Variants in WRN observed in about 807,000 individuals in gnomAD.
WRN encodes the protein WRN RecQ like helicase, also known as bifunctional 3'-5' exonuclease/ATP-dependent helicase WRN.
A neutral mutation model predicts 180.7 loss-of-function variants in WRN; 149 were observed. The observed-to-expected ratio is 0.82, with a 90% CI of 0.72 to 0.94. The LOEUF (loss-of-function observed/expected upper bound fraction) is 0.94. WRN is among the 40% of genes least tolerant of loss of function. The pLI, the probability that WRN is intolerant of heterozygous loss-of-function variation, is 0.00. For synonymous variants in WRN, 548 were observed against 568.9 expected, an observed-to-expected ratio of 0.96 and a Z score of 0.52; for missense variants, 1,661 against 1,700.1, an observed-to-expected ratio of 0.98 and a Z score of 0.40.
intron 23 of WRN, among the ~76,000 whole-genome samples, chr8:31,128,133 C>T (rs989848424): frequency 1.3e-5 from 2 of 151,292 alleles, no homozygotes; most frequent in Non-Finnish European, 2.9e-5. Context: ...AGCACAAAGC[C>T]GACAGAAGAG....
At chr8:31,079,004 G>A (rs1813201365) in intron 8 of WRN, among the ~76,000 whole-genome samples, 1 of 152,128 alleles carries the variant, frequency 6.6e-6, no homozygotes. Flanking sequence ...CAGTTAAACT[G>A]TATCACATAT....
At chr8:31,143,452 GAA>G (rs1802738796) in intron 27 of WRN, 96 bp from the exon 28 acceptor site, 1 of 817,416 alleles carries the variant, frequency 1.2e-6, no homozygotes, top group Non-Finnish European at 2.0e-6. Context: ...ATTAGGCAAA[GAA>G]AAAATTGTGA....
At position 31,124,505 on chromosome 8, in the gene WRN, A is replaced by C. The variant is rs3087433; in HGVS notation, c.2631-17A>C. The C allele has an allele frequency of 1.8e-3, 2,870 of 1,577,782 alleles. 50 individuals carry two copies. In the African/African-American group the frequency reaches 0.034, roughly 19 times the overall value. On this transcript the variant is annotated splice_polypyrimidine_tract_variant and intron_variant, in intron 21 of 34. Coordinates refer to ENST00000298139, the MANE Select transcript of WRN (RefSeq NM_000553.6). ...CAATACAGTTTTACATATTCCTGTGATGTTTTTAATCGACAGGCACCTTCT... is the reference window on the plus strand; with the variant it reads ...CAATACAGTTTTACATATTCCTGTGCTGTTTTTAATCGACAGGCACCTTCT...
intron 25 of WRN, 27 bp from the exon 26 acceptor site, chr8:31,141,654 T>C (rs1487882397): frequency 1.2e-6 from 2 of 1,614,162 alleles, no homozygotes; most frequent in East Asian, 2.2e-5. Flanking sequence ...CCACTCCACA[T>C]TAAAAGATCC....
rs1369264888 is a variant in WRN at position 31,033,824 on chromosome 8, C to T, written c.-226C>T. ...CCGGAGCTGATGTGTACTGTGTGCG[C>T]CGGGGAGGCGCCGGCTTGTACTCGG... is the stretch of plus-strand genomic sequence containing the variant. On this transcript the variant is annotated 5_prime_UTR_variant, in exon 1 of 35. Transcript: ENST00000298139. 6.6e-6 allele frequency: 1 copy of T among 152,216 alleles called. No homozygotes were observed. The highest frequency in any genetic ancestry group is 1.9e-4 in the East Asian group (1 of 5,160). 9.4% of individuals were successfully genotyped at this position (152,216 alleles called of 1,614,324 possible). A position where few individuals can be genotyped will look rare whatever the true frequency, so the allele number is the denominator to read the frequency against.
At chr8:31,113,205 CAAAA>C (rs11420804) in intron 19 of WRN, among the ~76,000 whole-genome samples, 1 of 112,320 alleles carries the variant, frequency 8.9e-6, no homozygotes, top group Non-Finnish European at 1.8e-5. Flanking sequence ...GGCCCCGTTT[CAAAA>C]AAAAAAAAAA....
At chr8:31,054,758 G>C (rs1485015238) in intron 1 of WRN, among the ~76,000 whole-genome samples, 1 of 152,104 alleles carries the variant, frequency 6.6e-6, no homozygotes, top group African/African-American at 2.4e-5. Context: ...TTTATTTTAA[G>C]TTCCAGGATA....
At chr8:31,117,016 C>G (rs533943496) in intron 20 of WRN, among the ~76,000 whole-genome samples, 1 of 152,056 alleles carries the variant, frequency 6.6e-6, no homozygotes, top group Non-Finnish European at 1.5e-5. Flanking sequence ...AGGGTGGAAC[C>G]GTTAGAGACT....
At chr8:31,143,791 G>C (rs552605537) in intron 28 of WRN, among the ~76,000 whole-genome samples, 168 bp downstream of exon 28, 20 of 152,120 alleles carry the variant, frequency 1.3e-4, no homozygotes, top group Middle Eastern at 3.4e-3. Flanking sequence ...AAAGAATAAT[G>C]TTAATTTAAT....
chr8:31,091,279 TA>T (rs573456748), intron 15 of WRN, among the ~76,000 whole-genome samples: 53 of 152,288 alleles, frequency 3.5e-4, no homozygotes, highest in Non-Finnish European at 7.2e-4. Flanking sequence ...GTATATTTTT[TA>T]TCTATGAAAC....
chr8:31,088,568 T>C (rs1388850679), intron 12 of WRN, among the ~76,000 whole-genome samples: 1 of 152,168 alleles, frequency 6.6e-6, no homozygotes, highest in Non-Finnish European at 1.5e-5. Flanking sequence ...GGTTATATTA[T>C]AACATTTGGA....
intron 19 of WRN, among the ~76,000 whole-genome samples, chr8:31,113,993 ATT>A (rs35893391): frequency 5.3e-5 from 8 of 150,480 alleles, no homozygotes; most frequent in African/African-American, 1.7e-4. Flanking sequence ...TTTAATATGA[ATT>A]TTTTTTTTTA....
intron 3 of WRN, among the ~76,000 whole-genome samples, chr8:31,059,900 C>CA (rs1032672669): frequency 4.1e-4 from 63 of 151,830 alleles, no homozygotes; most frequent in African/African-American, 1.5e-3. Flanking sequence ...ACTAAAAATA[C>CA]AAAAAATTAG....
At chr8:31,147,666 T>G (rs893247732) in intron 30 of WRN, among the ~76,000 whole-genome samples, 190 bp downstream of exon 30, 22 of 152,310 alleles carry the variant, frequency 1.4e-4, no homozygotes, top group African/African-American at 5.1e-4. Context: ...AAAAACCAGT[T>G]ACGTTTTCAG....
chr8:31,053,115 C>T (rs1352824130), intron 1 of WRN, among the ~76,000 whole-genome samples: 4 of 152,158 alleles, frequency 2.6e-5, no homozygotes, highest in African/African-American at 9.7e-5. Context: ...AGTTTGAAGA[C>T]CATATAGAAT....
intron 19 of WRN, among the ~76,000 whole-genome samples, chr8:31,112,113 C>A (rs535467602): frequency 9.2e-5 from 14 of 152,166 alleles, no homozygotes; most frequent in African/African-American, 3.1e-4. Context: ...GTCTCTCTGT[C>A]GTCCAGGCTG....
intron 34 of WRN, among the ~76,000 whole-genome samples, chr8:31,169,608 C>T (rs1043442129): frequency 1.3e-5 from 2 of 152,156 alleles, no homozygotes; most frequent in African/African-American, 4.8e-5. Flanking sequence ...TGCTCATTTT[C>T]GTATGAGATT....
At position 31,082,532 on chromosome 8, in the gene WRN, A is replaced by G. The variant is rs543470090; in HGVS notation, c.1270-1167A>G. On this transcript the variant is annotated intron_variant, in intron 9 of 34. Coordinates refer to ENST00000298139, the MANE Select transcript of WRN (RefSeq NM_000553.6). Reference sequence around the variant, plus strand: ...CTGCATTTCCCTTTGATTTTCTAGGAATTTCTTATTAGGTATACACTTTAA... The same window carrying G: ...CTGCATTTCCCTTTGATTTTCTAGGGATTTCTTATTAGGTATACACTTTAA... 2.0e-5 allele frequency among the ~76,000 whole-genome samples: 3 copies of G among 152,200 alleles called. No homozygotes were observed. In the South Asian group the frequency reaches 6.2e-4, roughly 32 times the overall value.
chr8:31,082,046 TCA>T (rs1813337179), intron 9 of WRN, among the ~76,000 whole-genome samples: 1 of 152,136 alleles, frequency 6.6e-6, no homozygotes, highest in East Asian at 1.9e-4. Context: ...TAGGTGTGAG[TCA>T]CTGTGCCTGG....
Sources: allele counts gnomAD v4.1 joint callset (sites outside exome capture counted in the v4.1 genomes callset), GRCh38; gene constraint gnomAD v4.1.1; transcripts MANE v1.5; gene names NCBI Gene and HGNC (gene_info 2026-07-23, HGNC 2026-07-21).